Variants in TBC1D1 observed in about 807,000 individuals in gnomAD.
The protein encoded by TBC1D1 is TBC1 domain family member 1, also known as TBC1 (tre-2/USP6, BUB2, cdc16) domain family, member 1.
TBC1D1 carries 89 observed loss-of-function variants against 125.6 expected under a neutral mutation model. The ratio of observed to expected loss-of-function variants is 0.71; its 90% CI spans 0.60 to 0.85. TBC1D1 has a LOEUF of 0.85. Ranked by LOEUF, TBC1D1 falls within the 40% of genes least tolerant of loss-of-function variation. The pLI is 0.00. For synonymous variants in TBC1D1, 565 were observed against 564.1 expected, an observed-to-expected ratio of 1.00 and a Z score of -0.02; for missense variants, 1,377 against 1,469.2, an observed-to-expected ratio of 0.94 and a Z score of 1.03.
intron 2 of TBC1D1, among the ~76,000 whole-genome samples, chr4:37,904,988 AGATGAGGTCAGCAC>A (rs1717000373): frequency 6.6e-6 from 1 of 152,242 alleles, no homozygotes; most frequent in Non-Finnish European, 1.5e-5. Flanking sequence ...TCTTCTAAAC[AGATGAGGTCAGCAC>A]TAACTGCATT....
At chr4:37,973,355 C>T (rs947310920) in intron 2 of TBC1D1, among the ~76,000 whole-genome samples, 2 of 152,196 alleles carry the variant, frequency 1.3e-5, no homozygotes, top group Non-Finnish European at 2.9e-5. Flanking sequence ...TGCCTGCATA[C>T]GTTCCCGCTG....
At chr4:38,116,211 A>G (rs1762962537) in intron 16 of TBC1D1, among the ~76,000 whole-genome samples, 1 of 152,170 alleles carries the variant, frequency 6.6e-6, no homozygotes, top group African/African-American at 2.4e-5. Flanking sequence ...CCAGTCACAC[A>G]GCTAGCAAGT....
intron 15 of TBC1D1, among the ~76,000 whole-genome samples, chr4:38,108,573 C>G (rs1761716191): frequency 6.6e-6 from 1 of 152,204 alleles, no homozygotes; most frequent in Admixed American, 6.5e-5. Context: ...TAGAGATCCT[C>G]CATCAGGGAT....
chr4:37,953,640 G>A (rs1049001493), intron 2 of TBC1D1, among the ~76,000 whole-genome samples: 6 of 152,194 alleles, frequency 3.9e-5, no homozygotes, highest in Admixed American at 3.9e-4. Flanking sequence ...TGGTTGATGA[G>A]TAGAAGAATT....
At chr4:37,940,156 C>T (rs1229294324) in intron 2 of TBC1D1, among the ~76,000 whole-genome samples, 2 of 152,176 alleles carry the variant, frequency 1.3e-5, no homozygotes, top group Admixed American at 1.3e-4. Flanking sequence ...TATCCATGAG[C>T]ATGGAATGTT....
intron 15 of TBC1D1, chr4:38,111,816 C>T: frequency 2.6e-6 from 1 of 383,188 alleles, no homozygotes; most frequent in Non-Finnish European, 3.6e-6. Flanking sequence ...AATAGAATTT[C>T]GTGTAAAACG....
intron 1 of TBC1D1, among the ~76,000 whole-genome samples, chr4:37,901,558 A>T (rs982474339): frequency 6.6e-6 from 1 of 151,582 alleles, no homozygotes; most frequent in African/African-American, 2.4e-5. Flanking sequence ...TTGCAACATA[A>T]TAGGCACTGA....
intron 2 of TBC1D1, among the ~76,000 whole-genome samples, chr4:37,909,496 C>T (rs942987101): frequency 6.6e-6 from 1 of 152,202 alleles, no homozygotes; most frequent in African/African-American, 2.4e-5. Context: ...GCTTCAATTG[C>T]ATCTCTTGCT....
At chr4:38,095,534 T>C (rs1217420244) in intron 13 of TBC1D1, among the ~76,000 whole-genome samples, 1 of 152,182 alleles carries the variant, frequency 6.6e-6, no homozygotes, top group Non-Finnish European at 1.5e-5. Flanking sequence ...GGAGTGCCTC[T>C]CCTAGTTTAG....
chr4:38,063,684 A>C (rs1204387512), intron 12 of TBC1D1, among the ~76,000 whole-genome samples: 1 of 151,240 alleles, frequency 6.6e-6, no homozygotes, highest in Non-Finnish European at 1.5e-5. Context: ...GCTGGAGTGC[A>C]GTGGTGCGAT....
At chr4:38,126,569 C>G (rs1317242707) in intron 18 of TBC1D1, among the ~76,000 whole-genome samples, 1 of 152,162 alleles carries the variant, frequency 6.6e-6, no homozygotes, top group African/African-American at 2.4e-5. Context: ...ATTGCATATG[C>G]CCTTATGAAA....
intron 17 of TBC1D1, 200 bp downstream of exon 19, chr4:38,118,392 C>T (rs1763318491): frequency 9.2e-6 from 5 of 544,710 alleles, no homozygotes; most frequent in African/African-American, 5.6e-5. Context: ...ACGGGGCTTC[C>T]CTAGATGCCT....
chr4:38,020,973 C>T (rs78263401), intron 5 of TBC1D1: 15,130 of 280,742 alleles, frequency 0.054, 535 homozygotes, highest in African/African-American at 0.092. Flanking sequence ...AGGAGTTTGC[C>T]TTTTTTCTCA....
chr4:37,925,475 C>T (rs895395134), intron 2 of TBC1D1, among the ~76,000 whole-genome samples: 4 of 152,020 alleles, frequency 2.6e-5, no homozygotes, highest in East Asian at 3.9e-4. Context: ...CCCAGCACTT[C>T]GGGAGGTCGA....
intron 13 of TBC1D1, among the ~76,000 whole-genome samples, chr4:38,092,934 A>T (rs554024267): frequency 4.6e-5 from 7 of 152,138 alleles, no homozygotes; most frequent in African/African-American, 1.7e-4. Context: ...TAATGTGCAC[A>T]TCTTTGAGAT....
chr4:37,934,990 G>C (rs1391397092), intron 2 of TBC1D1, among the ~76,000 whole-genome samples: 1 of 152,140 alleles, frequency 6.6e-6, no homozygotes, highest in Non-Finnish European at 1.5e-5. Flanking sequence ...TGAAATGGCA[G>C]AGGGAAAAGA....
At chr4:37,997,651 T>A (rs949824508) in intron 2 of TBC1D1, among the ~76,000 whole-genome samples, 5 of 152,180 alleles carry the variant, frequency 3.3e-5, no homozygotes, top group African/African-American at 1.2e-4. Flanking sequence ...CAAATACATA[T>A]TCCTACCACC....
intron 8 of TBC1D1, among the ~76,000 whole-genome samples, chr4:38,043,727 A>G (rs1011156233): frequency 6.6e-6 from 1 of 152,220 alleles, no homozygotes; most frequent in African/African-American, 2.4e-5. Context: ...GTTGCAGAGA[A>G]GAATGAAAGG....
intron 19 of TBC1D1, among the ~76,000 whole-genome samples, chr4:38,136,009 G>A (rs2152648787): frequency 6.6e-6 from 1 of 151,574 alleles, no homozygotes; most frequent in South Asian, 2.1e-4. Context: ...TGGCAAATCT[G>A]GACTGGATTA....
Sources: gnomAD v4.1 joint callset for allele counts (sites outside exome capture counted in the v4.1 genomes callset) on GRCh38, gnomAD v4.1.1 for gene constraint, MANE v1.5 for transcripts, NCBI Gene and HGNC (gene_info 2026-07-23, HGNC 2026-07-21) for gene names.